MAST1: variants seen among roughly 807,000 people sequenced by gnomAD.
The protein encoded by MAST1 is microtubule-associated serine/threonine-protein kinase 1.
In MAST1, 40 loss-of-function variants were observed where a neutral mutation model predicts 124.6. That is an observed-to-expected ratio of 0.32 (90% CI 0.25 to 0.42). The LOEUF (loss-of-function observed/expected upper bound fraction) is 0.42, where lower values mean the gene tolerates loss of function less well. Among genes scored for constraint, MAST1 ranks in the 10% least tolerant of loss-of-function variants. The probability of loss-of-function intolerance (pLI) is 1.00; values close to 1 mark genes in which losing one functional copy is unlikely to be tolerated. For missense variants in MAST1, 1,558 were observed against 2,181.9 expected (o/e 0.71, Z 5.70); for synonymous variants, 938 against 939.4 (o/e 1.00, Z 0.03).
Position 12,871,032 on chromosome 19 carries a change from C to G in MAST1, c.3127-4C>G. ...CAGAGCATTTTCCCGCATTCTTCCC[C>G]CAGAGTGGCAACAAGGTAGCAGTGA... On this transcript the variant is annotated splice_polypyrimidine_tract_variant and splice_region_variant and intron_variant, in intron 23 of 25. Transcript: ENST00000251472. The G allele has an allele frequency of 1.2e-6, 2 of 1,614,160 alleles. No individual in the cohort carries two copies. Among genetic ancestry groups the G allele is most frequent in the Non-Finnish European group, 1.7e-6 (2 of 1,180,016 alleles).
chr19:12,848,142 A>C, intron 7 of MAST1, 85 bp downstream of exon 7: 3 of 1,241,510 alleles, frequency 2.4e-6, no homozygotes, highest in Non-Finnish European at 3.4e-6. Context: ...CCCCACATAC[A>C]TTCAGGGAGC....
intron 10 of MAST1, among the ~76,000 whole-genome samples, chr19:12,854,272 C>A (rs141931093): frequency 2.0e-4 from 31 of 151,956 alleles, no homozygotes; most frequent in Non-Finnish European, 1.6e-4. Flanking sequence ...TATAGGCATG[C>A]GCCACCACAC....
intron 20 of MAST1, among the ~76,000 whole-genome samples, chr19:12,868,260 C>T (rs780985478): frequency 3.3e-5 from 5 of 151,588 alleles, no homozygotes; most frequent in Non-Finnish European, 7.4e-5. Context: ...AGGCGCGCGC[C>T]ACTACCCCCG....
In MAST1 at chr19:12,874,549, AC is replaced by A; in HGVS notation, c.4396del (p.Leu1466TrpfsTer26). On this transcript the variant is annotated frameshift_variant, in exon 26 of 26. Transcript: ENST00000251472. LOFTEE classifies it low-confidence loss of function (END_TRUNC). This position sits in a 1 kb window ranked among gnomAD's most constrained non-coding sequence, Gnocchi z 6.6. ...ACTCCAAGGGGTTGCAGGAACCCGCACCCCTGGCGCCTTCCGTGCCCGAGGC... is the reference window on the plus strand; with the variant it reads ...ACTCCAAGGGGTTGCAGGAACCCGCACCCTGGCGCCTTCCGTGCCCGAGGC... ...ADSKGLQEPAPLAPSVPEAPR... is the reference protein window; with the variant it reads ...ADSKGLQEPAXLAPSVPEAPR... 1 of 1,511,876 alleles carries A rather than the reference AC, an allele frequency of 6.6e-7. No homozygotes were observed. 93.7% of individuals were successfully genotyped at this position (1,511,876 alleles called of 1,614,324 possible).
chr19:12,842,880 G>T (rs1057441648), intron 3 of MAST1, among the ~76,000 whole-genome samples: 7 of 152,180 alleles, frequency 4.6e-5, no homozygotes, highest in Admixed American at 3.9e-4. Flanking sequence ...GTCTGGTCTT[G>T]CACGCGTGAT....
At position 12,841,928 on chromosome 19, in the gene MAST1, TCA is replaced by T. The variant is rs1266961724; in HGVS notation, c.248+865_248+866del. Among the ~76,000 whole-genome samples, 2 of 152,138 alleles carry T rather than the reference TCA, an allele frequency of 1.3e-5. No individual in the cohort carries two copies. Among genetic ancestry groups the T allele is most frequent in the Middle Eastern group, 3.2e-3 (1 of 316 alleles). On this transcript the variant is annotated intron_variant, in intron 3 of 25. Transcript: ENST00000251472. The surrounding 1 kb of genome is among the most constrained non-coding windows in gnomAD (Gnocchi z 4.3). ...CAGGACAAGGCTCTGGGATAGGGTCTCACATGTTTATCCGCAAGCGGGGAGGA... is the reference window on the plus strand; with the variant it reads ...CAGGACAAGGCTCTGGGATAGGGTCTCATGTTTATCCGCAAGCGGGGAGGA...
At chr19:12,852,797 T>A (rs576154329) in intron 10 of MAST1, among the ~76,000 whole-genome samples, 11 of 151,706 alleles carry the variant, frequency 7.3e-5, no homozygotes, top group Non-Finnish European at 1.5e-4. Context: ...TGCTGTGAAC[T>A]GAGATTACAC....
intron 24 of MAST1, among the ~76,000 whole-genome samples, chr19:12,871,984 A>T (rs2242514): frequency 6.6e-6 from 1 of 150,818 alleles, no homozygotes; most frequent in Admixed American, 6.7e-5. Context: ...GCTGTGCCAA[A>T]TTTCTAGGAT....
In MAST1 at chr19:12,874,498, T is replaced by C. The variant is rs1472942782; in HGVS notation, c.4341T>C (p.Ala1447=). The C allele has an allele frequency of 6.4e-7, 1 of 1,551,410 alleles. No homozygotes were observed. The highest frequency in any genetic ancestry group is 8.7e-7 in the Non-Finnish European group (1 of 1,151,388). The change falls in exon 26 of 26, where the codon GCT becomes GCC. Residue 1447 remains alanine (A), a synonymous_variant. Coordinates refer to ENST00000251472, the MANE Select transcript of MAST1 (RefSeq NM_014975.3). This position sits in a 1 kb window ranked among gnomAD's most constrained non-coding sequence, Gnocchi z 6.6. ...VVEPARPGAK[A]VVPQPLGADS... ...AGCCTGCGCGGCCCGGGGCTAAGGC[T>C]GTGGTGCCTCAGCCTCTGGGCGCGG...
rs1970138196 is a variant in MAST1, at chr19:12,865,249, TG to T, written c.1639-61del. On this transcript the variant is annotated intron_variant, in intron 14 of 25. Transcript: ENST00000251472. The surrounding 1 kb of genome is among the most constrained non-coding windows in gnomAD (Gnocchi z 7.1). ...AGGACCTCGGGAACCCAGGGCCTGG[TG>T]GGGGGCACAGCTCTCCCTTGAGGGC... is the stretch of plus-strand genomic sequence containing the variant. 3.2e-6 allele frequency: 5 copies of T among 1,587,298 alleles called. No homozygotes were observed. The highest frequency in any genetic ancestry group is 4.3e-6 in the Non-Finnish European group (5 of 1,165,762).
intron 12 of MAST1, among the ~76,000 whole-genome samples, chr19:12,861,256 G>C (rs571779533): frequency 6.6e-6 from 1 of 151,302 alleles, no homozygotes; most frequent in South Asian, 2.1e-4. Context: ...AGAGACAGGG[G>C]TTTCACCAGG....
At chr19:12,852,447 T>A in intron 10 of MAST1, 52 bp downstream of exon 10, 1 of 1,310,560 alleles carries the variant, frequency 7.6e-7, no homozygotes, top group Non-Finnish European at 1.1e-6. Context: ...GAGGGCAGGG[T>A]GGGGCTCATC....
At chr19:12,858,067 A>G (rs978508545) in intron 10 of MAST1, among the ~76,000 whole-genome samples, 3 of 139,024 alleles carry the variant, frequency 2.2e-5, no homozygotes, top group Non-Finnish European at 4.6e-5. Context: ...TACCTCACCC[A>G]CTTTTTTCTC....
In MAST1 at chr19:12,874,728, T is replaced by A; in HGVS notation, c.4571T>A (p.Val1524Glu). ...AAGTGCAGTGCACCCAGCAGTGCAGTGACCCCAGTCCCACCCGCATCCCTC... is the reference window on the plus strand; with the variant it reads ...AAGTGCAGTGCACCCAGCAGTGCAGAGACCCCAGTCCCACCCGCATCCCTC... ...PAKCSAPSSA[V>E]TPVPPASLLG... The change falls in exon 26 of 26, where the codon GTG becomes GAG. Residue 1524 changes from valine to glutamate, a missense_variant. Physicochemically the swap from Val to Glu is moderately radical, Grantham distance 121 (BLOSUM62 -2). Transcript: ENST00000251472. This position sits in a 1 kb window ranked among gnomAD's most constrained non-coding sequence, Gnocchi z 6.6. The A allele has an allele frequency of 1.9e-6, 3 of 1,598,670 alleles. No homozygotes were observed. Among genetic ancestry groups the A allele is most frequent in the Non-Finnish European group, 2.6e-6 (3 of 1,168,668 alleles).
At chr19:12,845,351 G>T (rs1476291746) in intron 4 of MAST1, among the ~76,000 whole-genome samples, 3 of 142,576 alleles carry the variant, frequency 2.1e-5, no homozygotes, top group Non-Finnish European at 4.5e-5. Context: ...GAGGTGGGAG[G>T]ATTGCTTGAG....
chr19:12,874,598 G>A lies in MAST1; in HGVS notation c.4441G>A (p.Val1481Met). The change falls in exon 26 of 26, where the codon GTG (valine) becomes ATG (methionine). Residue 1481 changes from valine (V) to methionine (M), a missense_variant. Physicochemically the swap from Val to Met is conservative, Grantham distance 21. Coordinates refer to ENST00000251472, the MANE Select transcript of MAST1 (RefSeq NM_014975.3). The surrounding 1 kb of genome is among the most constrained non-coding windows in gnomAD (Gnocchi z 6.6). ...GGCCCCCCGGGGCCGGGAGCGCTGG[G>A]TGTTGGAGGTGGTGGAGGAGCGCAC... ...PEAPRGRERW[V>M]LEVVEERTTL... 2 of 1,511,936 alleles carry A rather than the reference G, an allele frequency of 1.3e-6. No individual in the cohort carries two copies. Among genetic ancestry groups the A allele is most frequent in the Non-Finnish European group, 1.8e-6 (2 of 1,131,232 alleles). The allele number at this position is 1,511,936 out of a possible 1,614,324, so 93.7% of individuals were successfully genotyped here. A position where few individuals can be genotyped will look rare whatever the true frequency, so the allele number is the denominator to read the frequency against.
chr19:12,852,044 G>T lies in MAST1; in HGVS notation c.876+9G>T. ...GGCTGCTGGAGTGCCTGGTGAGGGG[G>T]CTGGGCATGGGTAGGGGTGGGTTGG... On this transcript the variant is annotated intron_variant, in intron 8 of 25. Coordinates refer to ENST00000251472, the MANE Select transcript of MAST1 (RefSeq NM_014975.3). 1 of 1,613,958 alleles carries T rather than the reference G, an allele frequency of 6.2e-7. No homozygotes were observed.
At chr19:12,846,870 C>CAAAAAAAAA (rs386388580) in intron 4 of MAST1, among the ~76,000 whole-genome samples, 13 of 47,372 alleles carry the variant, frequency 2.7e-4, no homozygotes, top group African/African-American at 3.4e-4. Context: ...AACTCCATCT[C>CAAAAAAAAA]AAAAAAAAAA....
Position 12,867,647 on chromosome 19 carries a change from G to A in MAST1, c.2313G>A (p.Pro771=). The change falls in exon 19 of 26, where the codon CCG becomes CCA. Residue 771 remains proline, a synonymous_variant. Coordinates refer to ENST00000251472, the MANE Select transcript of MAST1 (RefSeq NM_014975.3). ...LREKTWRGGS[P]EIKRFSASEA... ...AGAAGACCTGGAGAGGGGGCTCTCC[G>A]GAGATGTGAGCAGGGGAATGGCGGA... 6.3e-7 allele frequency: 1 copy of A among 1,593,652 alleles called. No individual in the cohort carries two copies. Among genetic ancestry groups the A allele is most frequent in the East Asian group, 2.3e-5 (1 of 44,190 alleles).
Sources: allele counts gnomAD v4.1 joint callset (sites outside exome capture counted in the v4.1 genomes callset), GRCh38; gene constraint gnomAD v4.1.1; non-coding constraint Gnocchi (gnomAD v3.1); transcripts MANE v1.5; gene names NCBI Gene and HGNC (gene_info 2026-07-23, HGNC 2026-07-21).